The following AUTS2 variants were observed in gnomAD, a reference collection of about 807,000 sequenced individuals.
AUTS2 encodes autism susceptibility gene 2 protein.
In AUTS2, 17 loss-of-function variants were observed where a neutral mutation model predicts 112.4. The ratio of observed to expected loss-of-function variants is 0.15; its 90% CI spans 0.10 to 0.23. The LOEUF (loss-of-function observed/expected upper bound fraction) is 0.23. Among genes scored for constraint, AUTS2 ranks in the 10% least tolerant of loss-of-function variants. The probability of loss-of-function intolerance (pLI) is 1.00; values close to 1 mark genes in which losing one functional copy is unlikely to be tolerated. For missense variants in AUTS2, 1,510 were observed against 1,701.6 expected (o/e 0.89, Z 1.98); for synonymous variants, 751 against 702.7 (o/e 1.07, Z -1.09).
intron 2 of AUTS2, among the ~76,000 whole-genome samples, chr7:70,058,331 T>G (rs1339023995): frequency 6.6e-6 from 1 of 152,180 alleles, no homozygotes; most frequent in East Asian, 1.9e-4. Context: ...ATTCATGGCC[T>G]CCTTTTATCG....
chr7:69,608,800 A>T (rs1328208151), intron 1 of AUTS2, among the ~76,000 whole-genome samples: 9 of 152,210 alleles, frequency 5.9e-5, no homozygotes, highest in Admixed American at 5.9e-4. Context: ...TTATACTTTC[A>T]CTGGAGCAAA....
intron 1 of AUTS2, among the ~76,000 whole-genome samples, chr7:69,773,580 A>G (rs1403479675): frequency 6.6e-6 from 1 of 151,936 alleles, no homozygotes; most frequent in Non-Finnish European, 1.5e-5. Flanking sequence ...CCAAACACCC[A>G]GGGAAAAACC....
At chr7:69,732,530 C>T (rs897680360) in intron 1 of AUTS2, among the ~76,000 whole-genome samples, 4 of 151,954 alleles carry the variant, frequency 2.6e-5, no homozygotes, top group African/African-American at 4.8e-5. Context: ...TCTCTTAGCC[C>T]ACAGGTGTAT....
intron 4 of AUTS2, among the ~76,000 whole-genome samples, chr7:70,380,521 A>G (rs963825442): frequency 6.6e-6 from 1 of 152,138 alleles, no homozygotes; most frequent in Non-Finnish European, 1.5e-5. Context: ...ATCTCAGGGG[A>G]GGGCTCCCAG....
chr7:70,661,458 C>G (rs1807065394), intron 5 of AUTS2, among the ~76,000 whole-genome samples: 1 of 152,114 alleles, frequency 6.6e-6, no homozygotes, highest in Admixed American at 6.5e-5. Flanking sequence ...AGGAGGGTGG[C>G]AGTGTGAGGA....
chr7:69,940,171 T>C (rs1796568501), intron 2 of AUTS2, among the ~76,000 whole-genome samples: 1 of 152,168 alleles, frequency 6.6e-6, no homozygotes, highest in Non-Finnish European at 1.5e-5. Context: ...GAGTCAGGAT[T>C]TGAACCTGGG....
intron 1 of AUTS2, among the ~76,000 whole-genome samples, chr7:69,893,578 G>A (rs1193722786): frequency 1.3e-5 from 2 of 152,142 alleles, no homozygotes; most frequent in Admixed American, 1.3e-4. Flanking sequence ...ATAACTAACA[G>A]AAGAGGCTCA....
At chr7:70,253,750 A>C (rs1394505268) in intron 4 of AUTS2, among the ~76,000 whole-genome samples, 2 of 151,930 alleles carry the variant, frequency 1.3e-5, no homozygotes, top group Non-Finnish European at 2.9e-5. Flanking sequence ...TTATCAGAAG[A>C]GATTTTTTTT....
chr7:70,037,469 A>G (rs1477187448), intron 2 of AUTS2, among the ~76,000 whole-genome samples: 1 of 152,194 alleles, frequency 6.6e-6, no homozygotes, highest in Non-Finnish European at 1.5e-5. Flanking sequence ...CTTTTACTAT[A>G]TATATGTACC....
chr7:70,528,692 C>T (rs997144931), intron 5 of AUTS2, among the ~76,000 whole-genome samples: 3 of 151,850 alleles, frequency 2.0e-5, no homozygotes, highest in East Asian at 1.9e-4. Context: ...CAAAGGATCA[C>T]GTGAGCCCAG....
chr7:69,990,300 A>G (rs899936011), intron 2 of AUTS2, among the ~76,000 whole-genome samples: 5 of 152,182 alleles, frequency 3.3e-5, no homozygotes, highest in African/African-American at 1.2e-4. Context: ...TTTGTTTTGT[A>G]TGTGCCCAGA....
intron 2 of AUTS2, among the ~76,000 whole-genome samples, chr7:70,110,846 A>ACTTT (rs1379774939): frequency 2.7e-5 from 4 of 147,188 alleles, no homozygotes; most frequent in South Asian, 2.2e-4. Context: ...GGAATACCTA[A>ACTTT]CTTTCTTTCT....
At chr7:69,645,099 A>G (rs1583998143) in intron 1 of AUTS2, among the ~76,000 whole-genome samples, 1 of 146,774 alleles carries the variant, frequency 6.8e-6, no homozygotes, top group East Asian at 2.0e-4. Context: ...TTTGGTAGAG[A>G]TGAGGTCTTG....
At position 69,797,120 on chromosome 7, in the gene AUTS2, T is replaced by C. The variant is rs552960755; in HGVS notation, c.310-102166T>C. Among the ~76,000 whole-genome samples, 13 of 152,300 alleles carry C rather than the reference T, an allele frequency of 8.5e-5. 2 individuals are homozygous for C. In the South Asian group the frequency reaches 2.5e-3, roughly 29 times the overall value. Reference sequence around the variant, plus strand: ...TAAACTTCAACTTTTGGGACATTGGTCTCTACCTGCACCTCCAGAATGTAA... The same window carrying C: ...TAAACTTCAACTTTTGGGACATTGGCCTCTACCTGCACCTCCAGAATGTAA... On this transcript the variant is annotated intron_variant, in intron 1 of 18. Transcript: ENST00000342771.
intron 5 of AUTS2, among the ~76,000 whole-genome samples, chr7:70,460,163 T>C (rs906646743): frequency 6.6e-6 from 1 of 152,072 alleles, no homozygotes; most frequent in African/African-American, 2.4e-5. Flanking sequence ...CTGCCTACTT[T>C]GTCCTGTTGC....
At chr7:70,411,497 G>A (rs936052930) in intron 4 of AUTS2, among the ~76,000 whole-genome samples, 1 of 152,002 alleles carries the variant, frequency 6.6e-6, no homozygotes, top group Non-Finnish European at 1.5e-5. Context: ...ATACTAGAAG[G>A]GCACAGCATA....
chr7:69,755,736 A>G (rs965175164), intron 1 of AUTS2, among the ~76,000 whole-genome samples: 4 of 152,176 alleles, frequency 2.6e-5, no homozygotes, highest in Non-Finnish European at 5.9e-5. Context: ...AGGGCAGAAT[A>G]GGTCCTGAGA....
rs115717554 is a variant in AUTS2, at chr7:69,730,830, A to G, written c.309+130868A>G. ...TTCCAAAATGAACCACCATGCTATT[A>G]CCTGCAGACATTAAGGGTCTGATTA... On this transcript the variant is annotated intron_variant, in intron 1 of 18. Transcript: ENST00000342771. Among the ~76,000 whole-genome samples, 1,000 of 152,326 alleles carry G rather than the reference A, an allele frequency of 6.6e-3. 12 individuals carry two copies. Among genetic ancestry groups the G allele is most frequent in the African/African-American group, 0.023 (946 of 41,574 alleles).
intron 1 of AUTS2, among the ~76,000 whole-genome samples, chr7:69,675,979 G>C (rs1046844665): frequency 6.6e-6 from 1 of 152,166 alleles, no homozygotes; most frequent in African/African-American, 2.4e-5. Flanking sequence ...TGTGCTTGTA[G>C]AAGGTATTAT....
Sources: allele counts gnomAD v4.1 joint callset (sites outside exome capture counted in the v4.1 genomes callset), GRCh38; gene constraint gnomAD v4.1.1; transcripts MANE v1.5; gene names NCBI Gene and HGNC (gene_info 2026-07-23, HGNC 2026-07-21).